Variants in DAB1 observed in about 807,000 individuals in gnomAD.
The protein encoded by DAB1 is disabled homolog 1.
Under a neutral mutation model 64.6 loss-of-function variants are expected in DAB1, and 15 were observed. That is an observed-to-expected ratio of 0.23 (90% CI 0.16 to 0.36). The LOEUF is 0.36. Among genes scored for constraint, DAB1 ranks in the 10% least tolerant of loss-of-function variants. The pLI is 1.00. For synonymous variants in DAB1, 235 were observed against 251.9 expected, an observed-to-expected ratio of 0.93 and a Z score of 0.64; for missense variants, 596 against 706.7, an observed-to-expected ratio of 0.84 and a Z score of 1.78.
At chr1:57,574,802 G>A (rs1348560625) in intron 7 of DAB1, among the ~76,000 whole-genome samples, 3 of 152,174 alleles carry the variant, frequency 2.0e-5, no homozygotes, top group South Asian at 2.1e-4. Flanking sequence ...TCAAGAACTG[G>A]GCATAGCAGA....
Position 57,897,028 on chromosome 1 carries a change from C to G in DAB1, n.388-12866G>C, listed in dbSNP as rs531561190. On this transcript the variant is annotated intron_variant and non_coding_transcript_variant, in intron 5 of 20. Transcript: ENST00000485760. ...GCCGTTTAATGACTTACAAAAACAA[C>G]AAGAAAAAGAAACCATGGTTTGATC... Among the ~76,000 whole-genome samples, 51 of 152,128 alleles carry G rather than the reference C, an allele frequency of 3.4e-4. 1 individual carries two copies. The highest frequency in any genetic ancestry group is 1.2e-3 in the African/African-American group (50 of 41,496).
At chr1:57,329,021 C>T (rs1676419880) in intron 1 of DAB1, among the ~76,000 whole-genome samples, 1 of 152,130 alleles carries the variant, frequency 6.6e-6, no homozygotes, top group Non-Finnish European at 1.5e-5. Flanking sequence ...AAGAAAAAAT[C>T]CCAGCCTGAT....
At chr1:57,440,920 C>G (rs1006548764) in intron 7 of DAB1, among the ~76,000 whole-genome samples, 2 of 152,010 alleles carry the variant, frequency 1.3e-5, no homozygotes, top group African/African-American at 4.8e-5. Flanking sequence ...AGGTTTGTTA[C>G]GTGGGTGTAC....
intron 7 of DAB1, among the ~76,000 whole-genome samples, chr1:57,477,887 C>T (rs1325346911): frequency 6.6e-6 from 1 of 152,042 alleles, no homozygotes; most frequent in Non-Finnish European, 1.5e-5. Flanking sequence ...AGTGCCTTTC[C>T]CAGAATGTTA....
chr1:57,777,196 TC>T (rs1160928573), intron 6 of DAB1, among the ~76,000 whole-genome samples: 1 of 150,990 alleles, frequency 6.6e-6, no homozygotes, highest in African/African-American at 2.4e-5. Flanking sequence ...TTATTTGTAT[TC>T]CTCTATACTT....
At chr1:57,199,298 T>C (rs563858) in intron 2 of DAB1, among the ~76,000 whole-genome samples, 37,085 of 152,038 alleles carry the variant, frequency 0.24, 5,143 homozygotes, top group Middle Eastern at 0.32. Context: ...GATCAACTAG[T>C]GTTTACCTTA....
At chr1:58,324,382 C>T (rs777079363) in intron 4 of DAB1, among the ~76,000 whole-genome samples, 37 of 152,160 alleles carry the variant, frequency 2.4e-4, no homozygotes, top group South Asian at 2.1e-4. Context: ...CTCAGCTCTT[C>T]GAGTTTTTCT....
Position 57,749,820 on chromosome 1 carries a change from T to C in DAB1, n.552-100155A>G, listed in dbSNP as rs79972499. On this transcript the variant is annotated intron_variant and non_coding_transcript_variant, in intron 6 of 20. Transcript: ENST00000485760. ...AAGCCAAGAAGTGGACTTGAGATGC[T>C]ACAACCAAAAAACATTATCCTGCCT... Among the ~76,000 whole-genome samples, 923 of 152,286 alleles carry C rather than the reference T, an allele frequency of 6.1e-3. 5 individuals carry two copies. The highest frequency in any genetic ancestry group is 0.022 in the African/African-American group (896 of 41,554).
intron 2 of DAB1, among the ~76,000 whole-genome samples, chr1:57,243,172 T>A (rs563685230): frequency 6.6e-6 from 1 of 152,338 alleles, no homozygotes; most frequent in African/African-American, 2.4e-5. Flanking sequence ...ATATGATTGA[T>A]CAGCCATGAT....
chr1:57,588,993 C>T (rs1315829086), intron 7 of DAB1, among the ~76,000 whole-genome samples: 4 of 151,960 alleles, frequency 2.6e-5, no homozygotes, highest in African/African-American at 4.8e-5. Context: ...CCCAGCACTT[C>T]GGGAGGCCGA....
intron 2 of DAB1, among the ~76,000 whole-genome samples, chr1:57,198,690 C>T (rs1420635201): frequency 7.1e-6 from 1 of 140,486 alleles, no homozygotes; most frequent in Non-Finnish European, 1.6e-5. Flanking sequence ...CACACACACA[C>T]CCATCAACTT....
rs547442596 is a variant in DAB1, at chr1:57,020,480, C to CTGGCTAGTGGCAGAGCT, written c.895+3034_895+3050dup. On this transcript the variant is annotated intron_variant, in intron 11 of 14. Coordinates refer to ENST00000371236, the MANE Select transcript of DAB1 (RefSeq NM_001365792.1). The stretch of plus-strand genomic sequence containing the variant: ...AGATATTTATCTGAGTATGGTGCAG[C>CTGGCTAGTGGCAGAGCT]TGGCTAGTGGCAGAGCTTGTGTTCA... 3.7e-3 allele frequency among the ~76,000 whole-genome samples: 566 copies of CTGGCTAGTGGCAGAGCT among 152,292 alleles called. 13 individuals carry two copies. Among genetic ancestry groups the CTGGCTAGTGGCAGAGCT allele is most frequent in the Non-Finnish European group, 6.5e-4 (44 of 68,024 alleles).
intron 3 of DAB1, among the ~76,000 whole-genome samples, chr1:58,427,955 C>A (rs1287110212): frequency 6.6e-6 from 1 of 152,122 alleles, no homozygotes; most frequent in Non-Finnish European, 1.5e-5. Flanking sequence ...CAAATCCATG[C>A]CTTCATAATG....
At chr1:57,604,414 A>T (rs1030858106) in intron 7 of DAB1, among the ~76,000 whole-genome samples, 17 of 152,026 alleles carry the variant, frequency 1.1e-4, no homozygotes, top group Non-Finnish European at 2.4e-4. Context: ...AAAAGAAAAA[A>T]AAAAAAAGAG....
chr1:57,676,554 A>C (rs935333912), intron 6 of DAB1, among the ~76,000 whole-genome samples: 1 of 152,216 alleles, frequency 6.6e-6, no homozygotes, highest in African/African-American at 2.4e-5. Context: ...TGCCCCTGAG[A>C]ACTCAACCAT....
At chr1:57,810,958 T>G (rs553960210) in intron 6 of DAB1, among the ~76,000 whole-genome samples, 1 of 152,328 alleles carries the variant, frequency 6.6e-6, no homozygotes, top group African/African-American at 2.4e-5. Flanking sequence ...GAATCTGGCT[T>G]TTGCCTCTTC....
intron 6 of DAB1, among the ~76,000 whole-genome samples, chr1:57,809,640 T>C (rs536823350): frequency 1.3e-5 from 2 of 152,266 alleles, no homozygotes; most frequent in East Asian, 3.9e-4. Flanking sequence ...CATGAATAAT[T>C]AATTGAGGAC....
intron 6 of DAB1, among the ~76,000 whole-genome samples, chr1:57,699,272 C>T (rs1243413372): frequency 6.6e-6 from 1 of 152,126 alleles, no homozygotes; most frequent in African/African-American, 2.4e-5. Flanking sequence ...TAACATGCAA[C>T]TTACTAACAT....
At chr1:58,247,655 A>C (rs190832500) in intron 4 of DAB1, among the ~76,000 whole-genome samples, 1 of 151,870 alleles carries the variant, frequency 6.6e-6, no homozygotes, top group Non-Finnish European at 1.5e-5. Flanking sequence ...TTTCCTTTAC[A>C]TTTTTTCTAA....
Sources: allele counts gnomAD v4.1 joint callset (sites outside exome capture counted in the v4.1 genomes callset), GRCh38; gene constraint gnomAD v4.1.1; transcripts MANE v1.5; gene names NCBI Gene and HGNC (gene_info 2026-07-23, HGNC 2026-07-21).